The following FGF12 variants were observed in gnomAD, a reference collection of about 807,000 sequenced individuals.
FGF12 encodes fibroblast growth factor 12B.
Under a neutral mutation model 23.6 loss-of-function variants are expected in FGF12, and 14 were observed. That is an observed-to-expected ratio of 0.59 (90% CI 0.39 to 0.93). The LOEUF is 0.93. Among genes scored for constraint, FGF12 ranks in the 40% least tolerant of loss-of-function variants. The pLI, the probability that FGF12 is intolerant of heterozygous loss-of-function variation, is 0.00. For synonymous variants in FGF12, 62 were observed against 77.3 expected (o/e 0.80, Z 1.04); for missense variants, 175 against 217.8 (o/e 0.80, Z 1.24).
chr3:192,197,888 G>A (rs1357659633), intron 4 of FGF12, among the ~76,000 whole-genome samples: 1 of 141,610 alleles, frequency 7.1e-6, no homozygotes, highest in Non-Finnish European at 1.5e-5. Context: ...GGAGGTTGCA[G>A]TGAGCTGAGA....
intron 5 of FGF12, among the ~76,000 whole-genome samples, chr3:192,164,376 C>T (rs1287128294): frequency 1.3e-5 from 2 of 152,116 alleles, no homozygotes; most frequent in African/African-American, 4.8e-5. Flanking sequence ...TCAAGGCCAT[C>T]TATCAGAATA....
chr3:192,440,841 C>T (rs1339486911), intron 2 of FGF12, among the ~76,000 whole-genome samples: 2 of 152,192 alleles, frequency 1.3e-5, no homozygotes, highest in Non-Finnish European at 2.9e-5. Context: ...TTCTCTGTCC[C>T]ATCATATATA....
At chr3:192,535,582 C>T (rs1725205099) in intron 2 of FGF12, among the ~76,000 whole-genome samples, 1 of 152,044 alleles carries the variant, frequency 6.6e-6, no homozygotes, top group South Asian at 2.1e-4. Flanking sequence ...TAGAAATGGC[C>T]AAGAGACTTT....
At chr3:192,646,839 T>A (rs1263269445) in intron 2 of FGF12, among the ~76,000 whole-genome samples, 2 of 152,110 alleles carry the variant, frequency 1.3e-5, no homozygotes, top group Non-Finnish European at 1.5e-5. Context: ...ACGTTGTATG[T>A]TTTAAATGGG....
intron 2 of FGF12, among the ~76,000 whole-genome samples, chr3:192,710,937 C>T (rs77399555): frequency 0.058 from 8,813 of 152,094 alleles, 462 homozygotes; most frequent in East Asian, 0.2. Flanking sequence ...ATCTTGGAAA[C>T]GTAAGAGGTA....
At chr3:192,654,700 C>T (rs186793267) in intron 2 of FGF12, among the ~76,000 whole-genome samples, 19 of 152,292 alleles carry the variant, frequency 1.2e-4, no homozygotes, top group Admixed American at 2.6e-4. Context: ...GCTTCTTGAA[C>T]GTAGTCCGTT....
At chr3:192,400,382 T>C (rs955802389) in intron 2 of FGF12, among the ~76,000 whole-genome samples, 2 of 150,544 alleles carry the variant, frequency 1.3e-5, no homozygotes, top group African/African-American at 4.9e-5. Flanking sequence ...TTTTTTTTTT[T>C]TTTTGAGACT....
At chr3:192,329,599 G>T (rs1456939382) in intron 4 of FGF12, among the ~76,000 whole-genome samples, 1 of 152,124 alleles carries the variant, frequency 6.6e-6, no homozygotes, top group Admixed American at 6.5e-5. Context: ...CTTGGGTTTT[G>T]TCTTTCCTGT....
At chr3:192,494,676 G>A (rs997804411) in intron 2 of FGF12, among the ~76,000 whole-genome samples, 13 of 151,982 alleles carry the variant, frequency 8.6e-5, no homozygotes, top group African/African-American at 2.2e-4. Flanking sequence ...GGAATACAAT[G>A]GTACAACCTA....
chr3:192,620,605 G>A (rs202090651), intron 2 of FGF12, among the ~76,000 whole-genome samples: 9 of 152,118 alleles, frequency 5.9e-5, no homozygotes, highest in Admixed American at 2.0e-4. Context: ...TAGCTTTTAC[G>A]TTCTGAAACC....
intron 4 of FGF12, among the ~76,000 whole-genome samples, chr3:192,228,011 AGAG>A (rs2108580590): frequency 6.6e-6 from 1 of 152,298 alleles, no homozygotes; most frequent in Admixed American, 6.5e-5. Context: ...GGATGAGGAA[AGAG>A]GAGATGTTGG....
chr3:192,638,392 T>C (rs1715662889), intron 2 of FGF12, among the ~76,000 whole-genome samples: 1 of 152,198 alleles, frequency 6.6e-6, no homozygotes, highest in South Asian at 2.1e-4. Flanking sequence ...ATGATGTTAC[T>C]TAAATACTAC....
At chr3:192,289,997 T>C (rs1275129200) in intron 4 of FGF12, among the ~76,000 whole-genome samples, 1 of 152,188 alleles carries the variant, frequency 6.6e-6, no homozygotes, top group African/African-American at 2.4e-5. Flanking sequence ...TGCAAGATGA[T>C]TGCTTTGCAT....
At chr3:192,158,382 C>T (rs1577184947) in intron 5 of FGF12, among the ~76,000 whole-genome samples, 2 of 81,536 alleles carry the variant, frequency 2.5e-5, no homozygotes, top group East Asian at 6.4e-4. Flanking sequence ...TTCTTTCTTT[C>T]TTTTCTTTCT....
At chr3:192,498,005 G>GGC (rs1553821815) in intron 2 of FGF12, among the ~76,000 whole-genome samples, 1 of 151,970 alleles carries the variant, frequency 6.6e-6, no homozygotes, top group Non-Finnish European at 1.5e-5. Flanking sequence ...ATAAATGAAA[G>GGC]AGCAAATTCA....
intron 4 of FGF12, among the ~76,000 whole-genome samples, chr3:192,272,252 C>CT (rs1435232908): frequency 2.6e-5 from 4 of 151,990 alleles, no homozygotes; most frequent in Non-Finnish European, 5.9e-5. Context: ...ACTGTTATTG[C>CT]TTTTTTGTGG....
chr3:192,692,773 G>A (rs1407875864), intron 2 of FGF12, among the ~76,000 whole-genome samples: 9 of 150,860 alleles, frequency 6.0e-5, no homozygotes, highest in South Asian at 2.1e-4. Context: ...GTTTGACATC[G>A]TTTCATGATA....
intron 2 of FGF12, among the ~76,000 whole-genome samples, chr3:192,431,279 G>A (rs545665775): frequency 7.2e-5 from 11 of 152,126 alleles, no homozygotes; most frequent in South Asian, 2.1e-4. Flanking sequence ...AGCAGTTGTA[G>A]GTGAAACCTT....
chr3:192,436,312 T>C (rs564082381), intron 2 of FGF12, among the ~76,000 whole-genome samples: 7 of 152,162 alleles, frequency 4.6e-5, no homozygotes, highest in Non-Finnish European at 8.8e-5. Context: ...TGGGATACAG[T>C]GGTACTGAGA....
Sources: gnomAD v4.1 joint callset for allele counts (sites outside exome capture counted in the v4.1 genomes callset) on GRCh38, gnomAD v4.1.1 for gene constraint, MANE v1.5 for transcripts, NCBI Gene and HGNC (gene_info 2026-07-23, HGNC 2026-07-21) for gene names.